AFF2: variants seen among roughly 807,000 people sequenced by gnomAD.
AFF2 encodes the protein AF4/FMR2 family member 2.
Under a neutral mutation model 76.9 loss-of-function variants are expected in AFF2, and 14 were observed. The ratio of observed to expected loss-of-function variants is 0.18; its 90% CI spans 0.12 to 0.28. AFF2 has a LOEUF of 0.28. Among genes scored for constraint, AFF2 ranks in the 10% least tolerant of loss-of-function variants. The probability of loss-of-function intolerance (pLI) is 1.00; values close to 1 mark genes in which losing one functional copy is unlikely to be tolerated. For synonymous variants in AFF2, 398 were observed against 366.7 expected, an observed-to-expected ratio of 1.09 and a Z score of -0.98; for missense variants, 868 against 1,001.1, an observed-to-expected ratio of 0.87 and a Z score of 1.79.
chrX:148,737,116 A>G (rs2055294138), intron 3 of AFF2, among the ~76,000 whole-genome samples: 1 of 111,256 alleles, frequency 9.0e-6, no homozygotes, highest in Non-Finnish European at 1.9e-5. Flanking sequence ...TTGGTTCCAT[A>G]TGAATTTTAG....
At chrX:148,867,828 G>T (rs1211849944) in intron 7 of AFF2, among the ~76,000 whole-genome samples, 1 of 111,506 alleles carries the variant, frequency 9.0e-6, no homozygotes, top group Non-Finnish European at 1.9e-5. Flanking sequence ...TTGCACACCA[G>T]CATAAATTCC....
chrX:148,806,469 A>G, intron 3 of AFF2, among the ~76,000 whole-genome samples: 1 of 111,609 alleles, frequency 9.0e-6, no homozygotes, highest in East Asian at 2.8e-4. Flanking sequence ...CCCGGTAGGT[A>G]CCCTTTCCCT....
intron 9 of AFF2, among the ~76,000 whole-genome samples, chrX:148,943,510 G>C (rs1054247431): frequency 8.9e-6 from 1 of 112,158 alleles, no homozygotes; most frequent in Non-Finnish European, 1.9e-5. Context: ...GTGTTTAGTC[G>C]ATGGTCACAG....
At position 148,936,058 on chromosome X, in the gene AFF2, T is replaced by C. The variant is rs1174639915; in HGVS notation, c.1398-17522T>C. On this transcript the variant is annotated intron_variant, in intron 9 of 20. Transcript: ENST00000370460. ...GTACTTTTTTTGACTGGAAGTCTTC[T>C]TCGTGGATCTTTCAGATAAATCTTA... 2.7e-5 allele frequency among the ~76,000 whole-genome samples: 3 copies of C among 111,528 alleles called. No individual in the cohort carries two copies. In the East Asian group the frequency reaches 8.5e-4, roughly 31 times the overall value.
intron 3 of AFF2, among the ~76,000 whole-genome samples, chrX:148,746,133 A>G (rs1274075672): frequency 8.9e-6 from 1 of 112,243 alleles, no homozygotes; most frequent in Non-Finnish European, 1.9e-5. Context: ...CAAAAAGAAG[A>G]AATATCAGTT....
At chrX:148,885,635 C>T (rs758441) in intron 7 of AFF2, among the ~76,000 whole-genome samples, 4,846 of 111,425 alleles carry the variant, frequency 0.043, 87 homozygotes, top group South Asian at 0.091. Flanking sequence ...ATCCAGTCAT[C>T]TCTGGAGATG....
chrX:148,551,747 G>T (rs190535380), intron 1 of AFF2, among the ~76,000 whole-genome samples: 14 of 111,537 alleles, frequency 1.3e-4, no homozygotes, highest in African/African-American at 4.6e-4. Flanking sequence ...AGGGCTTCTG[G>T]GAGATAACTT....
intron 2 of AFF2, among the ~76,000 whole-genome samples, chrX:148,660,875 T>A (rs781878180): frequency 8.9e-6 from 1 of 112,692 alleles, no homozygotes; most frequent in African/African-American, 3.2e-5. Context: ...TTGGGGGTGA[T>A]CAACTGAGCT....
chrX:148,566,938 T>C lies in AFF2; in HGVS notation c.47+65794T>C, dbSNP rs185129117. 5.8e-3 allele frequency among the ~76,000 whole-genome samples: 646 copies of C among 111,809 alleles called. 3 individuals carry two copies. Among genetic ancestry groups the C allele is most frequent in the African/African-American group, 0.02 (609 of 30,799 alleles). ...GGCACTTGTGGTACTTTTTGCTTCA[T>C]AGTATTTCTTACTCTTAGAGTTCAG... On this transcript the variant is annotated intron_variant, in intron 1 of 20. Coordinates refer to ENST00000370460, the MANE Select transcript of AFF2 (RefSeq NM_002025.4).
intron 1 of AFF2, among the ~76,000 whole-genome samples, chrX:148,634,115 T>G (rs1188583668): frequency 1.8e-5 from 2 of 111,710 alleles, no homozygotes; most frequent in African/African-American, 6.5e-5. Flanking sequence ...AATAACCCTT[T>G]GATTGAAGGT....
chrX:148,853,608 A>G (rs1330195799), intron 7 of AFF2, among the ~76,000 whole-genome samples: 1 of 112,009 alleles, frequency 8.9e-6, no homozygotes, highest in Non-Finnish European at 1.9e-5. Context: ...GAGGCGTCCC[A>G]GCTCACACAG....
intron 3 of AFF2, among the ~76,000 whole-genome samples, chrX:148,779,416 T>C (rs1603299436): frequency 1.8e-5 from 2 of 111,784 alleles, no homozygotes; most frequent in Non-Finnish European, 3.8e-5. Flanking sequence ...CTCTGTCTCA[T>C]TGATCTGTCT....
intron 1 of AFF2, among the ~76,000 whole-genome samples, chrX:148,523,762 T>G (rs2052625805): frequency 8.9e-6 from 1 of 112,373 alleles, no homozygotes; most frequent in Non-Finnish European, 1.9e-5. Flanking sequence ...CTTTTCTCTT[T>G]CATGTAGTTC....
chrX:148,932,626 C>G (rs1033217004), intron 9 of AFF2, among the ~76,000 whole-genome samples: 3 of 112,031 alleles, frequency 2.7e-5, no homozygotes, highest in Non-Finnish European at 5.6e-5. Flanking sequence ...TTATTCCTAT[C>G]TCTTCAAAGA....
At chrX:148,720,286 C>T (rs782703398) in intron 3 of AFF2, among the ~76,000 whole-genome samples, 16 of 110,399 alleles carry the variant, frequency 1.4e-4, no homozygotes, top group African/African-American at 5.3e-4. Context: ...TTAAAGAAAC[C>T]ATGCGCAAAT....
chrX:148,920,079 C>T (rs2099912765), intron 9 of AFF2, among the ~76,000 whole-genome samples: 1 of 112,324 alleles, frequency 8.9e-6, no homozygotes. Context: ...ACAAATTCTA[C>T]AGTGTCCAGG....
chrX:148,505,615 GCC>G (rs1569550445), intron 1 of AFF2, among the ~76,000 whole-genome samples: 1 of 110,289 alleles, frequency 9.1e-6, no homozygotes, highest in African/African-American at 3.3e-5. Context: ...AGATTATTTT[GCC>G]ATGCAAAATT....
chrX:148,945,822 C>A (rs1189384668), intron 9 of AFF2, among the ~76,000 whole-genome samples: 1 of 112,266 alleles, frequency 8.9e-6, no homozygotes, highest in African/African-American at 3.2e-5. Context: ...TCCAAGGTGA[C>A]ACTCAAAAGC....
intron 3 of AFF2, among the ~76,000 whole-genome samples, chrX:148,672,037 TA>T (rs199622909): frequency 0.012 from 1,331 of 111,733 alleles, 22 homozygotes; most frequent in African/African-American, 0.041. Context: ...GAGCCAGTCA[TA>T]AAAAAAGACT....
Sources: allele counts gnomAD v4.1 joint callset (sites outside exome capture counted in the v4.1 genomes callset), GRCh38; gene constraint gnomAD v4.1.1; transcripts MANE v1.5; gene names NCBI Gene and HGNC (gene_info 2026-07-23, HGNC 2026-07-21).